CNBD1: variants seen among roughly 807,000 people sequenced by gnomAD.
CNBD1 encodes the protein cyclic nucleotide-binding domain-containing protein 1.
A neutral mutation model predicts 54.4 loss-of-function variants in CNBD1; 71 were observed. That is an observed-to-expected ratio of 1.30 (90% CI 1.08 to 1.59). CNBD1 has a LOEUF of 1.59. Ranked by LOEUF, CNBD1 falls within the 40% of genes most tolerant of loss-of-function variation. The pLI is 0.00. For missense variants in CNBD1, 659 were observed against 518.0 expected, an observed-to-expected ratio of 1.27 and a Z score of -2.64; for synonymous variants, 182 against 170.7, an observed-to-expected ratio of 1.07 and a Z score of -0.51.
At chr8:87,084,374 C>G (rs1811057694) in intron 4 of CNBD1, among the ~76,000 whole-genome samples, 2 of 152,150 alleles carry the variant, frequency 1.3e-5, no homozygotes, top group South Asian at 4.1e-4. Context: ...GGCATGCTGA[C>G]AATGGATTCT....
At chr8:86,937,745 C>G (rs1359584743) in intron 3 of CNBD1, among the ~76,000 whole-genome samples, 1 of 152,106 alleles carries the variant, frequency 6.6e-6, no homozygotes, top group Middle Eastern at 3.2e-3. Context: ...TTTTTTCCTC[C>G]TAGGCCCTGT....
At chr8:87,227,419 C>G (rs1210038323) in intron 5 of CNBD1, among the ~76,000 whole-genome samples, 5 of 148,364 alleles carry the variant, frequency 3.4e-5, no homozygotes, top group Admixed American at 6.7e-5. Flanking sequence ...TTCAGGAGCT[C>G]TTTTAGGGCA....
At chr8:87,146,880 G>GTA (rs769885025) in intron 4 of CNBD1, among the ~76,000 whole-genome samples, 1 of 152,052 alleles carries the variant, frequency 6.6e-6, no homozygotes, top group Admixed American at 6.6e-5. Context: ...CAAGGTATGT[G>GTA]TATATATATG....
intron 4 of CNBD1, among the ~76,000 whole-genome samples, chr8:87,025,447 G>C (rs2462516): frequency 0.7 from 106,611 of 152,072 alleles, 38,468 homozygotes; most frequent in African/African-American, 0.88. Context: ...CTGAAGTCAG[G>C]AAGACAACAA....
chr8:87,183,287 G>C (rs2130779122), intron 4 of CNBD1, among the ~76,000 whole-genome samples: 1 of 151,320 alleles, frequency 6.6e-6, no homozygotes, highest in Non-Finnish European at 1.5e-5. Flanking sequence ...GTACCATGCT[G>C]TTTTGGTTGC....
rs560989987 is a variant in CNBD1, at chr8:87,330,788, A to G, written c.1043-20897A>G. Reference sequence around the variant, plus strand: ...TGGATTAAGTAGATTATAGATGTCAATTTTACCAAATGATTGATGATGTTG... The same window carrying G: ...TGGATTAAGTAGATTATAGATGTCAGTTTTACCAAATGATTGATGATGTTG... On this transcript the variant is annotated intron_variant, in intron 8 of 10. Coordinates refer to ENST00000518476, the MANE Select transcript of CNBD1 (RefSeq NM_173538.3). Among the ~76,000 whole-genome samples, 8 of 152,260 alleles carry G rather than the reference A, an allele frequency of 5.3e-5. No homozygotes were observed. The South Asian group carries it at 6.2e-4, about 12-fold the overall frequency.
chr8:86,901,680 T>C (rs4504654), intron 2 of CNBD1, among the ~76,000 whole-genome samples: 51,039 of 152,040 alleles, frequency 0.34, 8,696 homozygotes, highest in East Asian at 0.41. Context: ...AAACATTTGC[T>C]CTTCAGTCTT....
intron 3 of CNBD1, among the ~76,000 whole-genome samples, chr8:86,933,500 A>T (rs1023014803): frequency 1.2e-4 from 19 of 152,330 alleles, no homozygotes; most frequent in African/African-American, 4.1e-4. Context: ...GAATCACTTC[A>T]TTTCTATAAA....
At chr8:86,898,975 C>T (rs533802850) in intron 2 of CNBD1, among the ~76,000 whole-genome samples, 2 of 152,012 alleles carry the variant, frequency 1.3e-5, no homozygotes, top group African/African-American at 4.8e-5. Flanking sequence ...TTTATATACC[C>T]AATGGAATAC....
At chr8:87,211,432 A>G (rs781297980) in intron 5 of CNBD1, among the ~76,000 whole-genome samples, 2 of 152,090 alleles carry the variant, frequency 1.3e-5, no homozygotes, top group Non-Finnish European at 2.9e-5. Flanking sequence ...CCAGGGGCAG[A>G]ATGATATAAT....
Position 87,125,776 on chromosome 8 carries a change from A to T in CNBD1, c.432-80217A>T, listed in dbSNP as rs1387821464. Reference sequence around the variant, plus strand: ...GAACACTACAATTCAGGTAATGAACATTCCCATCACTTCCTCATTTCCTCA... The same window carrying T: ...GAACACTACAATTCAGGTAATGAACTTTCCCATCACTTCCTCATTTCCTCA... On this transcript the variant is annotated intron_variant, in intron 4 of 10. Coordinates refer to ENST00000518476, the MANE Select transcript of CNBD1 (RefSeq NM_173538.3). Among the ~76,000 whole-genome samples the T allele has an allele frequency of 2.0e-5, 3 of 151,818 alleles. No homozygotes were observed. In the East Asian group the frequency reaches 5.8e-4, roughly 29 times the overall value.
chr8:87,332,794 T>C (rs1315950197), intron 8 of CNBD1, among the ~76,000 whole-genome samples: 1 of 152,186 alleles, frequency 6.6e-6, no homozygotes, highest in African/African-American at 2.4e-5. Flanking sequence ...TGTGGCATAG[T>C]TTGAAGTCAG....
chr8:87,352,501 T>C (rs189983693), intron 9 of CNBD1, among the ~76,000 whole-genome samples: 1,576 of 125,992 alleles, frequency 0.013, 36 homozygotes, highest in African/African-American at 0.035. Context: ...AAAAAACTTA[T>C]ATGAATTCTT....
At chr8:87,379,078 T>G (rs1031655574) in intron 10 of CNBD1, among the ~76,000 whole-genome samples, 1 of 151,162 alleles carries the variant, frequency 6.6e-6, no homozygotes, top group Non-Finnish European at 1.5e-5. Flanking sequence ...GTTTTCTAGA[T>G]ATACAATCAT....
chr8:87,346,156 C>T (rs1810171879), intron 8 of CNBD1, among the ~76,000 whole-genome samples: 1 of 152,022 alleles, frequency 6.6e-6, no homozygotes, highest in South Asian at 2.1e-4. Flanking sequence ...ATTCTCCTGC[C>T]TCAGCCTCCC....
Position 87,271,881 on chromosome 8 carries a change from T to G in CNBD1, c.772-12797T>G, listed in dbSNP as rs201804927. Reference sequence around the variant, plus strand: ...AAGTGTCCATCAATGGATGAATGAATAAAGAAAATGTGGTATATATACACA... The same window carrying G: ...AAGTGTCCATCAATGGATGAATGAAGAAAGAAAATGTGGTATATATACACA... On this transcript the variant is annotated intron_variant, in intron 6 of 10. Coordinates refer to ENST00000518476, the MANE Select transcript of CNBD1 (RefSeq NM_173538.3). Among the ~76,000 whole-genome samples the G allele has an allele frequency of 3.7e-4, 56 of 151,560 alleles. No homozygotes were observed. In the East Asian group the frequency reaches 4.1e-3, roughly 11 times the overall value.
At chr8:87,232,313 C>A (rs762619365) in intron 5 of CNBD1, among the ~76,000 whole-genome samples, 1 of 152,044 alleles carries the variant, frequency 6.6e-6, no homozygotes, top group Non-Finnish European at 1.5e-5. Context: ...CTGGGACATA[C>A]GTTAGATGTA....
chr8:87,256,948 T>C (rs1450878071), intron 6 of CNBD1, among the ~76,000 whole-genome samples: 2 of 152,000 alleles, frequency 1.3e-5, no homozygotes, highest in Non-Finnish European at 2.9e-5. Flanking sequence ...TGTGAAGGGG[T>C]TGTCCTCAGT....
At chr8:86,889,984 G>T (rs1808744068) in intron 2 of CNBD1, among the ~76,000 whole-genome samples, 1 of 151,648 alleles carries the variant, frequency 6.6e-6, no homozygotes, top group Non-Finnish European at 1.5e-5. Context: ...ATTTTAATCG[G>T]GAAGTCTTAA....
Sources: gnomAD v4.1 joint callset for allele counts (sites outside exome capture counted in the v4.1 genomes callset) on GRCh38, gnomAD v4.1.1 for gene constraint, MANE v1.5 for transcripts, NCBI Gene and HGNC (gene_info 2026-07-23, HGNC 2026-07-21) for gene names.